ELMOD1: variants seen among roughly 807,000 people sequenced by gnomAD.
ELMOD1 encodes ELMO domain containing 1.
ELMOD1 carries 21 observed loss-of-function variants against 46.7 expected under a neutral mutation model. The observed-to-expected ratio is 0.45, with a 90% CI of 0.32 to 0.65. The LOEUF (loss-of-function observed/expected upper bound fraction) is 0.65, where lower values mean the gene tolerates loss of function less well. Among genes scored for constraint, ELMOD1 ranks in the 30% least tolerant of loss-of-function variants. The pLI is 0.04. For synonymous variants in ELMOD1, 122 were observed against 138.2 expected (o/e 0.88, Z 0.82); for missense variants, 348 against 407.8 (o/e 0.85, Z 1.26).
chr11:107,612,090 A>G (rs982572683), intron 1 of ELMOD1, among the ~76,000 whole-genome samples: 1 of 152,234 alleles, frequency 6.6e-6, no homozygotes, highest in African/African-American at 2.4e-5. Flanking sequence ...TATGTTCACA[A>G]TAACAAAGAC....
intron 6 of ELMOD1, among the ~76,000 whole-genome samples, chr11:107,637,661 C>G (rs1866252151): frequency 1.3e-5 from 2 of 151,924 alleles, no homozygotes; most frequent in African/African-American, 4.8e-5. Flanking sequence ...CCACTGCACT[C>G]CAGCCTGGGT....
chr11:107,663,718 A>T (rs921985650), intron 11 of ELMOD1, among the ~76,000 whole-genome samples: 1 of 152,232 alleles, frequency 6.6e-6, no homozygotes, highest in Non-Finnish European at 1.5e-5. Context: ...AAAGATTTTT[A>T]AAAATGTATG....
intron 2 of ELMOD1, chr11:107,625,558 G>C: frequency 3.0e-6 from 3 of 985,324 alleles, no homozygotes; most frequent in Non-Finnish European, 3.6e-6. Context: ...CACCCCACAG[G>C]CAAGGGGCTA....
intron 2 of ELMOD1, among the ~76,000 whole-genome samples, chr11:107,627,177 G>A (rs1391319612): frequency 6.6e-6 from 1 of 152,206 alleles, no homozygotes; most frequent in African/African-American, 2.4e-5. Context: ...TTAAATATTT[G>A]TGGGCATGTT....
intron 6 of ELMOD1, among the ~76,000 whole-genome samples, chr11:107,642,205 G>C (rs1221898597): frequency 6.6e-6 from 1 of 151,930 alleles, no homozygotes; most frequent in Admixed American, 6.6e-5. Flanking sequence ...GCCTCCCAAA[G>C]TGCTGGGATT....
intron 6 of ELMOD1, among the ~76,000 whole-genome samples, chr11:107,644,913 TGTTTTTGTTTTTGTTTTTG>T (rs1866396030): frequency 6.8e-6 from 1 of 147,254 alleles, no homozygotes; most frequent in African/African-American, 2.5e-5. Context: ...AAAGGGTTTT[TGTTTTTGTTTTTGTTTTTG>T]TTTTTGTTTT....
intron 7 of ELMOD1, 147 bp downstream of exon 7, chr11:107,647,748 A>C (rs752189441): frequency 1.0e-4 from 76 of 725,326 alleles, no homozygotes; most frequent in Middle Eastern, 2.8e-4. Context: ...TCAGGTTCAT[A>C]AAATGTTAAA....
intron 4 of ELMOD1, 40 bp downstream of exon 4, chr11:107,630,768 G>C: frequency 6.4e-7 from 1 of 1,563,202 alleles, no homozygotes; most frequent in Non-Finnish European, 8.7e-7. Context: ...TTTTCACTTG[G>C]AAGCTTACCT....
At chr11:107,640,038 C>T (rs1443912379) in intron 6 of ELMOD1, among the ~76,000 whole-genome samples, 2 of 152,168 alleles carry the variant, frequency 1.3e-5, no homozygotes, top group Non-Finnish European at 2.9e-5. Context: ...GGGTCTCACT[C>T]TGTCACGCAG....
intron 6 of ELMOD1, chr11:107,643,484 T>C: frequency 3.2e-6 from 1 of 308,792 alleles, no homozygotes; most frequent in East Asian, 9.3e-5. Flanking sequence ...AGTTACTGCT[T>C]TTCAGAAGAC....
intron 1 of ELMOD1, chr11:107,591,763 A>G (rs766779973): frequency 4.4e-6 from 2 of 449,858 alleles, no homozygotes; most frequent in African/African-American, 2.0e-5. Flanking sequence ...CCAAAATGGA[A>G]GGCGGGACAA....
chr11:107,591,557 G>A (rs1865391212), intron 1 of ELMOD1, 148 bp downstream of exon 1: 1 of 260,326 alleles, frequency 3.8e-6, no homozygotes, highest in Non-Finnish European at 7.8e-6. Context: ...GAGAGGGAAC[G>A]GGAATGAAAG....
intron 8 of ELMOD1, 26 bp from the exon 9 acceptor site, chr11:107,650,859 T>C: frequency 9.1e-7 from 1 of 1,096,606 alleles, no homozygotes; most frequent in African/African-American, 1.7e-5. Flanking sequence ...TTTACTTTTC[T>C]AATTTTTTTC....
chr11:107,664,498 A>T (rs376809284), intron 11 of ELMOD1, among the ~76,000 whole-genome samples: 15 of 152,312 alleles, frequency 9.8e-5, no homozygotes, highest in African/African-American at 3.6e-4. Context: ...TAACAATTTC[A>T]TGTGGTTTAA....
At chr11:107,659,682 G>A (rs1168710041) in intron 11 of ELMOD1, among the ~76,000 whole-genome samples, 3 of 151,514 alleles carry the variant, frequency 2.0e-5, no homozygotes, top group African/African-American at 7.3e-5. Flanking sequence ...TGGATGGATG[G>A]ATGGATGGAT....
chr11:107,656,024 G>T lies in ELMOD1; in HGVS notation c.790G>T (p.Ala264Ser). 6.4e-7 allele frequency: 1 copy of T among 1,561,842 alleles called. No homozygotes were observed. Among genetic ancestry groups the T allele is most frequent in the Non-Finnish European group, 8.7e-7 (1 of 1,151,296 alleles). Reference protein sequence around the residue: ...GALKTHFYNIAPEAPTLSHFQ... With the variant: ...GALKTHFYNISPEAPTLSHFQ... ...TCTAAAAACCCATTTCTACAATATC[G>T]CCCCAGAAGCTCCAACATTGTCTCA... The change falls in exon 11 of 12, where the codon GCC becomes TCC. Residue 264 changes from alanine to serine, a missense_variant. By Grantham distance (99) the Ala-to-Ser change is moderately conservative (BLOSUM62 1). Transcript: ENST00000265840.
At chr11:107,656,635 C>T (rs756633917) in intron 11 of ELMOD1, among the ~76,000 whole-genome samples, 60 of 151,864 alleles carry the variant, frequency 4.0e-4, no homozygotes, top group South Asian at 2.1e-4. Flanking sequence ...CAAAAATCTA[C>T]ACTTATATTT....
intron 11 of ELMOD1, among the ~76,000 whole-genome samples, chr11:107,659,009 A>G (rs771305361): frequency 1.3e-5 from 2 of 152,218 alleles, no homozygotes; most frequent in Non-Finnish European, 2.9e-5. Context: ...AGTTTCTCCA[A>G]AGCAAATGCC....
intron 1 of ELMOD1, among the ~76,000 whole-genome samples, chr11:107,607,160 C>T (rs531850384): frequency 3.9e-5 from 6 of 152,278 alleles, no homozygotes; most frequent in South Asian, 4.1e-4. Flanking sequence ...CCAAAATCTC[C>T]ACTTGATGGG....
Sources: gnomAD v4.1 joint callset for allele counts (sites outside exome capture counted in the v4.1 genomes callset) on GRCh38, gnomAD v4.1.1 for gene constraint, MANE v1.5 for transcripts, NCBI Gene and HGNC (gene_info 2026-07-23, HGNC 2026-07-21) for gene names.